Variants in POLK observed in about 807,000 individuals in gnomAD.
POLK encodes the protein polymerase (DNA directed) kappa.
In POLK, 76 loss-of-function variants were observed where a neutral mutation model predicts 94.0. The ratio of observed to expected loss-of-function variants is 0.81; its 90% CI spans 0.67 to 0.98. The LOEUF (loss-of-function observed/expected upper bound fraction) is 0.98. POLK is among the 50% of genes least tolerant of loss of function. The pLI is 0.00. For synonymous variants in POLK, 349 were observed against 325.4 expected (o/e 1.07, Z -0.78); for missense variants, 954 against 1,010.1 (o/e 0.94, Z 0.75).
intron 7 of POLK, 61 bp downstream of exon 7, chr5:75,581,509 G>A (rs1772192216): frequency 7.5e-7 from 1 of 1,338,540 alleles, no homozygotes; most frequent in Non-Finnish European, 1.1e-6. Flanking sequence ...TAATTTAAGT[G>A]TAATATTAGT....
intron 13 of POLK, 44 bp downstream of exon 13, chr5:75,597,222 T>C (rs1411923448): frequency 1.1e-6 from 1 of 951,360 alleles, no homozygotes; most frequent in Non-Finnish European, 1.6e-6. Context: ...TCTAGGAATA[T>C]GTATTATTAA....
At chr5:75,511,967 G>A (rs1169997071) in intron 1 of POLK, 53 bp downstream of exon 1, 9 of 692,214 alleles carry the variant, frequency 1.3e-5, no homozygotes, top group Non-Finnish European at 1.4e-5. Flanking sequence ...GTCAGTCGGT[G>A]GGTGGGCTTC....
rs368099022 is a variant in POLK at position 75,583,310 on chromosome 5, A to G, written c.952A>G (p.Met318Val). The stretch of plus-strand genomic sequence containing the variant: ...CTTTTAAGGCATTGCCCCAAATACA[A>G]TGTTAGCAAAAGTATGCAGTGATAA... Residue 318 changes from methionine to valine, a missense_variant, in exon 8 of 15, where the codon ATG becomes GTG. Met to Val is a conservative substitution (Grantham distance 21). Transcript: ENST00000241436. 2.2e-5 allele frequency: 35 copies of G among 1,602,668 alleles called. No homozygotes were observed. The African/African-American group carries it at 3.1e-4, about 14-fold the overall frequency.
chr5:75,539,659 C>G (rs894503017), intron 1 of POLK, among the ~76,000 whole-genome samples: 5 of 152,018 alleles, frequency 3.3e-5, no homozygotes, highest in African/African-American at 1.2e-4. Flanking sequence ...GCGTCTTACT[C>G]TCTTGCCCAG....
rs537417485 is a variant in POLK at position 75,581,970 on chromosome 5, C to T, written c.934+522C>T. The T allele has an allele frequency of 8.4e-5, 82 of 975,096 alleles. No homozygotes were observed. The African/African-American group carries it at 1.1e-3, about 13-fold the overall frequency. 60.4% of individuals were successfully genotyped at this position (975,096 alleles called of 1,614,324 possible). A position where few individuals can be genotyped will look rare whatever the true frequency, so the allele number is the denominator to read the frequency against. On this transcript the variant is annotated intron_variant, in intron 7 of 14. Transcript: ENST00000241436. ...CTGGGATTACAGGCCTGAGCCACCG[C>T]GCCCGACTCATAAATTTCATATAGC...
At chr5:75,510,965 C>G, upstream of POLK, 1 of 1,144,228 alleles carries the variant, frequency 8.7e-7, no homozygotes. Context: ...CCTATATCCC[C>G]GCCTCATCCC....
chr5:75,599,399 TATA>T (rs1395259157), exon 15 of POLK: 1 of 152,140 alleles, frequency 6.6e-6, no homozygotes, highest in Non-Finnish European at 1.5e-5. Flanking sequence ...TTTTGTATAT[TATA>T]ATATTTTAGG....
chr5:75,599,566 T>G (rs549885561), exon 15 of POLK: 14 of 152,150 alleles, frequency 9.2e-5, no homozygotes, highest in Admixed American at 3.3e-4. Flanking sequence ...AGTTGTAGTA[T>G]TATGGTTCTT....
chr5:75,591,443 T>A (rs1210632934), intron 11 of POLK, among the ~76,000 whole-genome samples: 3 of 152,198 alleles, frequency 2.0e-5, no homozygotes, highest in Admixed American at 6.5e-5. Context: ...AATTTTATGA[T>A]CATTTTAGAT....
intron 1 of POLK, among the ~76,000 whole-genome samples, chr5:75,538,144 C>G (rs759094759): frequency 9.2e-5 from 14 of 152,188 alleles, no homozygotes; most frequent in Non-Finnish European, 1.5e-4. Context: ...GCTTGAGCCA[C>G]CAGGCCCAGC....
chr5:75,519,895 A>T (rs1167088114), intron 1 of POLK, among the ~76,000 whole-genome samples: 1 of 152,182 alleles, frequency 6.6e-6, no homozygotes, highest in Non-Finnish European at 1.5e-5. Context: ...ATTGGTAAGT[A>T]AGAACTTATT....
intron 8 of POLK, among the ~76,000 whole-genome samples, 199 bp downstream of exon 8, chr5:75,583,616 A>G (rs1196104952): frequency 4.6e-5 from 7 of 152,210 alleles, no homozygotes; most frequent in Admixed American, 4.6e-4. Context: ...TATTTGCTAT[A>G]AACTTTTAAG....
chr5:75,602,441 A>C (rs1317606220), downstream of POLK, among the ~76,000 whole-genome samples: 2 of 152,210 alleles, frequency 1.3e-5, no homozygotes, highest in African/African-American at 2.4e-5. Context: ...GGAGCTAGTC[A>C]AGGAAGGGCC....
chr5:75,513,372 T>A (rs970638225), intron 1 of POLK, among the ~76,000 whole-genome samples: 5 of 152,124 alleles, frequency 3.3e-5, no homozygotes, highest in Non-Finnish European at 5.9e-5. Flanking sequence ...TTTTTACCAT[T>A]TAAGTCTCCA....
intron 7 of POLK, chr5:75,581,678 C>CT (rs1158442197): frequency 0.049 from 15,081 of 305,260 alleles, no homozygotes; most frequent in South Asian, 0.082. Flanking sequence ...ACGTTTCTTT[C>CT]TTTTTTTTTT....
chr5:75,513,552 C>CCTACA lies in POLK; in HGVS notation c.-14+1639_-14+1640insTACAC, dbSNP rs1768174997. The stretch of plus-strand genomic sequence containing the variant: ...AATGGAATTTCAAAGGGTGTGTAGG[C>CCTACA]CACCCTTTTTATCCTGTTTCCTATT... On this transcript the variant is annotated intron_variant, in intron 1 of 14. Coordinates refer to ENST00000241436, the Ensembl canonical transcript of POLK. Among the ~76,000 whole-genome samples the CCTACA allele has an allele frequency of 1.3e-5, 2 of 152,134 alleles. 1 individual carries two copies. The highest frequency in any genetic ancestry group is 4.1e-4 in the South Asian group (2 of 4,822).
chr5:75,546,552 A>G (rs940103866), intron 1 of POLK, among the ~76,000 whole-genome samples: 6 of 152,242 alleles, frequency 3.9e-5, no homozygotes, highest in Middle Eastern at 3.4e-3. Flanking sequence ...GCTGATTTCT[A>G]TATCATTTAA....
chr5:75,557,994 G>A (rs893602556), intron 3 of POLK, among the ~76,000 whole-genome samples: 4 of 151,994 alleles, frequency 2.6e-5, no homozygotes, highest in African/African-American at 9.7e-5. Flanking sequence ...TCACCATGTT[G>A]GCCAGGCTGG....
chr5:75,582,168 A>G, intron 7 of POLK: 4 of 983,486 alleles, frequency 4.1e-6, no homozygotes, highest in Non-Finnish European at 4.8e-6. Context: ...GCAATCCAGA[A>G]CAATCTGGTA....
Sources: allele counts gnomAD v4.1 joint callset (sites outside exome capture counted in the v4.1 genomes callset), GRCh38; gene constraint gnomAD v4.1.1; transcripts MANE v1.5; gene names NCBI Gene and HGNC (gene_info 2026-07-23, HGNC 2026-07-21).